Variants in DNAAF19 observed in about 807,000 individuals in gnomAD.
DNAAF19 encodes coiled-coil domain containing 103.
chr17:44,901,248 G>C, the DNAAF19 span: 3 of 1,339,868 alleles, frequency 2.2e-6, no homozygotes, highest in Non-Finnish European at 3.1e-6. Context: ...ACCGTCTACT[G>C]TTTGATCTTA....
chr17:44,904,598 A>G, the DNAAF19 span: 4 of 1,550,580 alleles, frequency 2.6e-6, no homozygotes, highest in South Asian at 4.8e-5. Context: ...GCTGGCCATC[A>G]TTAACTATGT....
chr17:44,904,706 C>T, the DNAAF19 span: 561 of 1,550,576 alleles, frequency 3.6e-4, 4 homozygotes, highest in Non-Finnish European at 2.3e-4. Context: ...TCCTGGGGCC[C>T]GGCCAGAGCA....
the DNAAF19 span, among the ~76,000 whole-genome samples, chr17:44,901,937 G>C: frequency 1.3e-5 from 2 of 152,112 alleles, no homozygotes; most frequent in Non-Finnish European, 2.9e-5. Context: ...TCAGAATTGG[G>C]ATGCTCTGCC....
the DNAAF19 span, among the ~76,000 whole-genome samples, chr17:44,901,349 C>G: frequency 6.6e-6 from 1 of 152,246 alleles, no homozygotes; most frequent in Non-Finnish European, 1.5e-5. Context: ...TAAGACTGAG[C>G]AAGTGTCTGA....
chr17:44,901,426 A>G, the DNAAF19 span: 1 of 1,408,874 alleles, frequency 7.1e-7, no homozygotes, highest in African/African-American at 1.4e-5. Context: ...ATTGGTCCGT[A>G]ACAGGTTTAT....
the DNAAF19 span, chr17:44,905,045 C>A: frequency 1.3e-6 from 2 of 1,546,562 alleles, no homozygotes; most frequent in South Asian, 1.2e-5. Flanking sequence ...CTACTTATTT[C>A]ACTGTTGTCC....
the DNAAF19 span, chr17:44,905,062 C>T: frequency 1.9e-6 from 3 of 1,541,022 alleles, no homozygotes; most frequent in Non-Finnish European, 2.6e-6. Flanking sequence ...GTCCCAGCTT[C>T]TCCCCCTAGG....
At chr17:44,905,142 T>G in the DNAAF19 span, 6 of 1,240,266 alleles carry the variant, frequency 4.8e-6, no homozygotes, top group Non-Finnish European at 1.1e-6. Flanking sequence ...TGTCTCTGGG[T>G]GGGTACCCTG....
At chr17:44,904,615 A>G in the DNAAF19 span, 1 of 1,550,562 alleles carries the variant, frequency 6.4e-7, no homozygotes, top group South Asian at 1.2e-5. Flanking sequence ...ATGTGTCCAA[A>G]GTGGGCAGCC....
chr17:44,902,996 G>A, the DNAAF19 span: 16 of 1,428,546 alleles, frequency 1.1e-5, no homozygotes, highest in South Asian at 9.2e-5. Context: ...TCAGTGTCTC[G>A]CTGTTTTGAA....
At chr17:44,900,761 C>A in the DNAAF19 span, among the ~76,000 whole-genome samples, 1 of 152,184 alleles carries the variant, frequency 6.6e-6, no homozygotes, top group Non-Finnish European at 1.5e-5. Context: ...AATTGAAAGT[C>A]AGGACTCTGT....
the DNAAF19 span, chr17:44,901,104 G>A: frequency 5.6e-6 from 9 of 1,607,388 alleles, no homozygotes; most frequent in East Asian, 6.7e-5. Flanking sequence ...CAAGTTACGG[G>A]CAGTGGAACA....
chr17:44,904,145 C>T, the DNAAF19 span: 32 of 1,550,216 alleles, frequency 2.1e-5, no homozygotes, highest in African/African-American at 9.6e-5. Flanking sequence ...CTTCAGCATC[C>T]GCATGTTCAG....
chr17:44,902,756 G>A, the DNAAF19 span: 7 of 1,601,912 alleles, frequency 4.4e-6, no homozygotes, highest in Middle Eastern at 1.7e-4. Context: ...GAGCAGTCTG[G>A]TGGGCTCCAG....
the DNAAF19 span, chr17:44,905,154 G>T: frequency 1.8e-6 from 2 of 1,085,338 alleles, no homozygotes; most frequent in Non-Finnish European, 2.6e-6. Context: ...GGTACCCTGG[G>T]TTGGGACAGG....
At chr17:44,905,189 GT>G in the DNAAF19 span, 1 of 766,762 alleles carries the variant, frequency 1.3e-6, no homozygotes, top group Non-Finnish European at 2.1e-6. Flanking sequence ...GGACAAATCT[GT>G]TACAGCCTGC....
chr17:44,903,922 CT>C, the DNAAF19 span: 2 of 1,550,632 alleles, frequency 1.3e-6, no homozygotes, highest in East Asian at 4.9e-5. Flanking sequence ...AGAGGACCCC[CT>C]GCCCTGCTTT....
chr17:44,902,176 G>A, the DNAAF19 span: 1 of 737,940 alleles, frequency 1.4e-6, no homozygotes, highest in East Asian at 2.7e-5. Flanking sequence ...TGGATTCCTT[G>A]GGGCCCTCCC....
At chr17:44,904,700 G>A in the DNAAF19 span, 1 of 1,550,562 alleles carries the variant, frequency 6.4e-7, no homozygotes, top group South Asian at 1.2e-5. Flanking sequence ...CTCCTGTCCT[G>A]GGGCCCGGCC....
Sources: allele counts gnomAD v4.1 joint callset (sites outside exome capture counted in the v4.1 genomes callset), GRCh38; gene constraint gnomAD v4.1.1; transcripts MANE v1.5; gene names NCBI Gene and HGNC (gene_info 2026-07-23, HGNC 2026-07-21).